The following TMEM114 variants were observed in gnomAD, a reference collection of about 807,000 sequenced individuals.
TMEM114 encodes transmembrane protein 114, also known as claudin-26.
Under a neutral mutation model 6.2 loss-of-function variants are expected in TMEM114, and 6 were observed. The ratio of observed to expected loss-of-function variants is 0.97; its 90% confidence interval spans 0.53 to 1.91. The LOEUF (loss-of-function observed/expected upper bound fraction) is 1.91, where lower values mean the gene tolerates loss of function less well. Ranked by LOEUF, TMEM114 falls within the 40% of genes most tolerant of loss-of-function variation. TMEM114 has a pLI of 0.01. For missense variants in TMEM114, 218 were observed against 158.3 expected (o/e 1.38, Z -2.02); for synonymous variants, 104 against 73.0 (o/e 1.42, Z -2.16).
Position 8,547,550 on chromosome 16 carries a change from G to A in TMEM114, n.213-9724C>T, listed in dbSNP as rs563293042. On this transcript the variant is annotated intron_variant and non_coding_transcript_variant, in intron 2 of 2. Coordinates refer to the TMEM114 transcript ENST00000623677. ...TGGGATTACAGGCACCCGCCACTAC[G>A]CCTGGCCAATTTTTGTATTTTTAGT... 4.3e-4 allele frequency among the ~76,000 whole-genome samples: 66 copies of A among 152,006 alleles called. 1 individual carries two copies. The highest frequency in any genetic ancestry group is 4.0e-3 in the Admixed American group (61 of 15,268).
intron 2 of TMEM114, among the ~76,000 whole-genome samples, chr16:8,550,976 A>C (rs972806992): frequency 6.6e-6 from 1 of 152,218 alleles, no homozygotes; most frequent in African/African-American, 2.4e-5. Flanking sequence ...GCAGAACTAC[A>C]AAGATGAATG....
intron 2 of TMEM114, among the ~76,000 whole-genome samples, chr16:8,546,101 A>G (rs1320510521): frequency 6.6e-6 from 1 of 152,238 alleles, no homozygotes; most frequent in Non-Finnish European, 1.5e-5. Flanking sequence ...GGAACAGAGC[A>G]AGACCGTGTC....
At chr16:8,585,913 T>G (rs905347896) in intron 2 of TMEM114, among the ~76,000 whole-genome samples, 2 of 152,194 alleles carry the variant, frequency 1.3e-5, no homozygotes, top group African/African-American at 4.8e-5. Flanking sequence ...GCCACATGCC[T>G]ACTTGGTGGT....
chr16:8,561,025 A>C (rs779552370), intron 2 of TMEM114, among the ~76,000 whole-genome samples: 1 of 152,212 alleles, frequency 6.6e-6, no homozygotes, highest in South Asian at 2.1e-4. Context: ...CTTAAAAACC[A>C]TCAGGTTTCT....
chr16:8,559,853 C>T (rs1901141739), intron 2 of TMEM114, among the ~76,000 whole-genome samples: 1 of 152,158 alleles, frequency 6.6e-6, no homozygotes, highest in Non-Finnish European at 1.5e-5. Flanking sequence ...GGACTGAGAT[C>T]CCCATGGGGC....
chr16:8,563,532 A>C (rs1216013975), intron 2 of TMEM114, among the ~76,000 whole-genome samples: 5 of 150,988 alleles, frequency 3.3e-5, no homozygotes, highest in African/African-American at 1.2e-4. Context: ...TGAATGAGTA[A>C]GTGAATGAGT....
chr16:8,580,259 G>C (rs1426274659), intron 2 of TMEM114, among the ~76,000 whole-genome samples: 1 of 152,136 alleles, frequency 6.6e-6, no homozygotes, highest in African/African-American at 2.4e-5. Flanking sequence ...GGCCAAGGCA[G>C]GCAGATCACT....
downstream of TMEM114, among the ~76,000 whole-genome samples, chr16:8,534,864 A>T (rs1421211371): frequency 1.3e-5 from 2 of 152,252 alleles, no homozygotes; most frequent in African/African-American, 4.8e-5. Flanking sequence ...CGGAATTATT[A>T]CTGTGTCTTC....
intron 2 of TMEM114, among the ~76,000 whole-genome samples, chr16:8,557,462 G>C (rs1901050797): frequency 6.6e-6 from 1 of 152,142 alleles, no homozygotes; most frequent in Non-Finnish European, 1.5e-5. Flanking sequence ...TCCAGCTCCA[G>C]CTACTGCATG....
intron 2 of TMEM114, among the ~76,000 whole-genome samples, chr16:8,585,768 A>G (rs1212092244): frequency 1.3e-5 from 2 of 152,198 alleles, no homozygotes; most frequent in Non-Finnish European, 2.9e-5. Context: ...GCCAGACACC[A>G]CATTAGGCTC....
chr16:8,559,067 G>A (rs953448478), intron 2 of TMEM114, among the ~76,000 whole-genome samples: 10 of 150,280 alleles, frequency 6.7e-5, no homozygotes, highest in African/African-American at 2.5e-4. Flanking sequence ...TTTTTGAGAT[G>A]GAGTTTGCTG....
At chr16:8,541,883 T>TA (rs1449457081) in intron 2 of TMEM114, among the ~76,000 whole-genome samples, 2 of 152,108 alleles carry the variant, frequency 1.3e-5, no homozygotes, top group African/African-American at 4.8e-5. Context: ...GGGTCTGGCT[T>TA]ACAAAGACGT....
the TMEM114 span, among the ~76,000 whole-genome samples, chr16:8,528,597 C>T: frequency 0.12 from 18,598 of 152,304 alleles, 1,389 homozygotes; most frequent in Middle Eastern, 0.22. Flanking sequence ...CTCTCTCTCT[C>T]TCTTCACTCT....
At chr16:8,566,581 G>C (rs534142427), downstream of TMEM114, among the ~76,000 whole-genome samples, 39 of 152,254 alleles carry the variant, frequency 2.6e-4, no homozygotes, top group African/African-American at 8.4e-4. Flanking sequence ...GAATGGAACA[G>C]CATCCCAACC....
chr16:8,536,668 TTTTGTTTG>T (rs968499501), downstream of TMEM114, among the ~76,000 whole-genome samples: 1 of 152,054 alleles, frequency 6.6e-6, no homozygotes, highest in Admixed American at 6.6e-5. Flanking sequence ...TTTGGTTTGT[TTTTGTTTG>T]TTTGTTTGTT....
chr16:8,552,244 C>T (rs1328440450), intron 2 of TMEM114, among the ~76,000 whole-genome samples: 1 of 151,824 alleles, frequency 6.6e-6, no homozygotes, highest in East Asian at 1.9e-4. Flanking sequence ...ATTAGCCAGG[C>T]ATGGTTGTGT....
At chr16:8,534,643 G>A (rs1291404248), downstream of TMEM114, among the ~76,000 whole-genome samples, 3 of 152,212 alleles carry the variant, frequency 2.0e-5, no homozygotes, top group African/African-American at 7.2e-5. Flanking sequence ...AGGCAGAGGT[G>A]CTGGTGGATA....
chr16:8,551,817 C>G (rs1243824182), intron 2 of TMEM114, among the ~76,000 whole-genome samples: 2 of 152,186 alleles, frequency 1.3e-5, no homozygotes, highest in South Asian at 2.1e-4. Context: ...ATGGCCATAA[C>G]TGTGCAAAAC....
At chr16:8,558,243 G>C (rs540725343) in intron 2 of TMEM114, among the ~76,000 whole-genome samples, 1 of 152,244 alleles carries the variant, frequency 6.6e-6, no homozygotes, top group Admixed American at 6.5e-5. Context: ...ATGAGAGTCT[G>C]TCTCAAAAAG....
Sources: allele counts gnomAD v4.1 joint callset (sites outside exome capture counted in the v4.1 genomes callset), GRCh38; gene constraint gnomAD v4.1.1; transcripts MANE v1.5; gene names NCBI Gene and HGNC (gene_info 2026-07-23, HGNC 2026-07-21).